Variants in UPK1B observed in about 807,000 individuals in gnomAD.
UPK1B encodes uroplakin 1B.
In UPK1B, 28 loss-of-function variants were observed where a neutral mutation model predicts 34.2. The observed-to-expected ratio is 0.82, with a 90% CI of 0.61 to 1.12. UPK1B has a LOEUF of 1.12. UPK1B is among the 50% of genes most tolerant of loss of function. The pLI is 0.00. For missense variants in UPK1B, 325 were observed against 320.9 expected (o/e 1.01, Z -0.10); for synonymous variants, 81 against 110.4 (o/e 0.73, Z 1.67).
intron 5 of UPK1B, among the ~76,000 whole-genome samples, chr3:119,191,582 G>C (rs1004619974): frequency 6.6e-5 from 10 of 151,996 alleles, no homozygotes; most frequent in Non-Finnish European, 1.3e-4. Context: ...ATCTGACCTA[G>C]CTTTCTTACT....
At chr3:119,188,847 T>C (rs1368486589) in intron 3 of UPK1B, among the ~76,000 whole-genome samples, 1 of 152,162 alleles carries the variant, frequency 6.6e-6, no homozygotes, top group African/African-American at 2.4e-5. Context: ...ATAGAATGAG[T>C]CCAGCAATGT....
intron 7 of UPK1B, among the ~76,000 whole-genome samples, chr3:119,201,873 G>C (rs540554468): frequency 4.6e-5 from 7 of 152,122 alleles, no homozygotes; most frequent in Admixed American, 3.3e-4. Context: ...ATGTAGTAAG[G>C]GCTCAAGCAT....
At chr3:119,196,788 T>G (rs2078069766) in intron 6 of UPK1B, among the ~76,000 whole-genome samples, 1 of 152,076 alleles carries the variant, frequency 6.6e-6, no homozygotes, top group Admixed American at 6.5e-5. Flanking sequence ...TCCACCCACC[T>G]CAGCCTCCCA....
At chr3:119,186,065 C>G (rs2078016643) in intron 1 of UPK1B, among the ~76,000 whole-genome samples, 1 of 152,168 alleles carries the variant, frequency 6.6e-6, no homozygotes, top group Admixed American at 6.5e-5. Context: ...AATGGAGCCT[C>G]CTCGCCTTTC....
chr3:119,199,055 A>C lies in UPK1B; in HGVS notation c.649-2A>C. On this transcript the variant is annotated splice_acceptor_variant, in intron 6 of 7. Transcript: ENST00000264234. LOFTEE classifies it high-confidence loss of function. ...CTAATGTGGAATTGCCCACTCCTTC[A>C]GGGCTGCTATGAACTGATCTCTGGT... The C allele has an allele frequency of 6.2e-7, 1 of 1,614,090 alleles. No individual in the cohort carries two copies.
Position 119,196,035 on chromosome 3 carries a change from C to G in UPK1B, c.648+1637C>G, listed in dbSNP as rs77653162. Among the ~76,000 whole-genome samples the G allele has an allele frequency of 0.01, 1,471 of 144,982 alleles. 44 individuals carry two copies. The East Asian group carries it at 0.14, about 14-fold the overall frequency. On this transcript the variant is annotated intron_variant, in intron 6 of 7. Coordinates refer to ENST00000264234, the MANE Select transcript of UPK1B (RefSeq NM_006952.4). ...CCTGGCTTTATCTGTTCTAACAACT[C>G]CACCTCCACTACCTACCAACTACAA... is the stretch of plus-strand genomic sequence containing the variant.
intron 1 of UPK1B, among the ~76,000 whole-genome samples, chr3:119,185,985 G>C (rs2078016098): frequency 6.6e-6 from 1 of 152,176 alleles, no homozygotes; most frequent in African/African-American, 2.4e-5. Flanking sequence ...GCCTAGCTCT[G>C]CCACTTACTG....
At chr3:119,184,682 T>C (rs1355907935) in intron 1 of UPK1B, among the ~76,000 whole-genome samples, 3 of 152,004 alleles carry the variant, frequency 2.0e-5, no homozygotes, top group Non-Finnish European at 4.4e-5. Flanking sequence ...GCCAAGATCG[T>C]GCCACTGCAC....
At chr3:119,173,842 TA>T (rs1482072577) in intron 1 of UPK1B, among the ~76,000 whole-genome samples, 2 of 152,232 alleles carry the variant, frequency 1.3e-5, no homozygotes, top group African/African-American at 4.8e-5. Flanking sequence ...ATTGCTTTCT[TA>T]ATACCCTTGA....
intron 1 of UPK1B, among the ~76,000 whole-genome samples, chr3:119,175,088 C>T (rs918615462): frequency 3.2e-5 from 4 of 124,364 alleles, no homozygotes; most frequent in Admixed American, 1.1e-4. Flanking sequence ...AGTGCAGTGG[C>T]GTGATCTCTG....
At chr3:119,194,446 T>G in intron 6 of UPK1B, 48 bp downstream of exon 6, 1 of 1,523,472 alleles carries the variant, frequency 6.6e-7, no homozygotes, top group Non-Finnish European at 8.8e-7. Context: ...CTGCTGCTCT[T>G]TATGAGAAAA....
At position 119,199,919 on chromosome 3, in the gene UPK1B, A is replaced by C. The variant is rs115240920; in HGVS notation, c.732+779A>C. 4.0e-3 allele frequency among the ~76,000 whole-genome samples: 608 copies of C among 152,342 alleles called. 2 individuals carry two copies. Among genetic ancestry groups the C allele is most frequent in the Non-Finnish European group, 6.7e-3 (454 of 68,040 alleles). ...TACCCCATTGGAAATTAACATAGAAAAATTTAAAATATTTATTTTAAAATA... is the reference window on the plus strand; with the variant it reads ...TACCCCATTGGAAATTAACATAGAACAATTTAAAATATTTATTTTAAAATA... On this transcript the variant is annotated intron_variant, in intron 7 of 7. Coordinates refer to ENST00000264234, the MANE Select transcript of UPK1B (RefSeq NM_006952.4).
chr3:119,188,772 C>T (rs962872928), intron 3 of UPK1B, among the ~76,000 whole-genome samples: 1 of 152,190 alleles, frequency 6.6e-6, no homozygotes, highest in African/African-American at 2.4e-5. Flanking sequence ...TGGAACACGC[C>T]TCCAATCCCC....
At chr3:119,199,512 C>G (rs1576872903) in intron 7 of UPK1B, among the ~76,000 whole-genome samples, 1 of 152,228 alleles carries the variant, frequency 6.6e-6, no homozygotes, top group Admixed American at 6.5e-5. Context: ...ATCTAGATGG[C>G]CCCTGCCTGA....
chr3:119,177,309 A>C (rs1462433611), intron 1 of UPK1B, among the ~76,000 whole-genome samples: 1 of 152,218 alleles, frequency 6.6e-6, no homozygotes, highest in African/African-American at 2.4e-5. Flanking sequence ...AGTTTCTCTT[A>C]ATTTAAAAAG....
chr3:119,196,018 T>C (rs13078231), intron 6 of UPK1B, among the ~76,000 whole-genome samples: 1 of 123,178 alleles, frequency 8.1e-6, no homozygotes. Flanking sequence ...TCCCTGGCTT[T>C]ATCTGTTCTA....
At chr3:119,195,285 A>G (rs1328741567) in intron 6 of UPK1B, among the ~76,000 whole-genome samples, 2 of 152,246 alleles carry the variant, frequency 1.3e-5, no homozygotes, top group African/African-American at 2.4e-5. Context: ...GACCCTGTAC[A>G]CTGAAACGCT....
chr3:119,195,417 G>C (rs1490832833), intron 6 of UPK1B, among the ~76,000 whole-genome samples: 3 of 152,204 alleles, frequency 2.0e-5, no homozygotes, highest in African/African-American at 7.2e-5. Context: ...CAGATTGAGG[G>C]ACATGGCACT....
intron 1 of UPK1B, among the ~76,000 whole-genome samples, chr3:119,184,254 G>A (rs1460363603): frequency 4.6e-5 from 7 of 152,070 alleles, no homozygotes; most frequent in Admixed American, 4.6e-4. Flanking sequence ...AAGTCTGTAC[G>A]TCACGGGGCA....
Sources: gnomAD v4.1 joint callset for allele counts (sites outside exome capture counted in the v4.1 genomes callset) on GRCh38, gnomAD v4.1.1 for gene constraint, MANE v1.5 for transcripts, NCBI Gene and HGNC (gene_info 2026-07-23, HGNC 2026-07-21) for gene names.